The following FHIT variants were observed in gnomAD, a reference collection of about 807,000 sequenced individuals.
FHIT encodes the protein bis(5'-adenosyl)-triphosphatase.
In FHIT, 19 loss-of-function variants were observed where a neutral mutation model predicts 17.9. The observed-to-expected ratio is 1.06, with a 90% confidence interval of 0.74 to 1.56. The LOEUF (loss-of-function observed/expected upper bound fraction) is 1.56, where lower values mean the gene tolerates loss of function less well. Among genes scored for constraint, FHIT ranks in the 40% most tolerant of loss-of-function variants. FHIT has a pLI of 0.00. For missense variants in FHIT, 248 were observed against 189.2 expected (o/e 1.31, Z -1.82); for synonymous variants, 81 against 69.7 (o/e 1.16, Z -0.81).
chr3:59,780,686 G>C (rs1200099952), intron 8 of FHIT, among the ~76,000 whole-genome samples: 2 of 152,176 alleles, frequency 1.3e-5, no homozygotes, highest in African/African-American at 4.8e-5. Context: ...TGAAGGACCA[G>C]AGCTCTTTCT....
At chr3:59,768,686 T>C (rs765047912) in intron 8 of FHIT, among the ~76,000 whole-genome samples, 11 of 152,334 alleles carry the variant, frequency 7.2e-5, no homozygotes, top group Non-Finnish European at 1.3e-4. Flanking sequence ...GCTAGGCACA[T>C]AGGAGAGGCT....
At chr3:60,190,842 C>G (rs574924899) in intron 5 of FHIT, among the ~76,000 whole-genome samples, 2 of 152,116 alleles carry the variant, frequency 1.3e-5, no homozygotes, top group African/African-American at 4.8e-5. Context: ...ACTTGGGGAA[C>G]TGAGGCATGA....
intron 4 of FHIT, chr3:60,732,222 C>G: frequency 2.4e-6 from 2 of 833,376 alleles, no homozygotes; most frequent in Non-Finnish European, 4.1e-6. Flanking sequence ...GTTCCATGGC[C>G]TCCATGATAT....
At chr3:60,223,341 A>T (rs780222983) in intron 5 of FHIT, among the ~76,000 whole-genome samples, 22 of 152,230 alleles carry the variant, frequency 1.4e-4, no homozygotes, top group Non-Finnish European at 2.9e-4. Flanking sequence ...AGCAAAAGGC[A>T]GAAGTCGTGT....
intron 3 of FHIT, among the ~76,000 whole-genome samples, chr3:60,967,091 T>G (rs1709782333): frequency 6.6e-6 from 1 of 152,222 alleles, no homozygotes; most frequent in African/African-American, 2.4e-5. Flanking sequence ...AGTATCTTCT[T>G]ATAAAAATAC....
intron 5 of FHIT, among the ~76,000 whole-genome samples, chr3:60,412,508 TC>T (rs1337572803): frequency 4.6e-5 from 7 of 152,032 alleles, no homozygotes; most frequent in Admixed American, 2.0e-4. Context: ...TCCTAGTCTC[TC>T]CCAAGATAAC....
At chr3:60,585,297 T>G (rs144100064) in intron 4 of FHIT, among the ~76,000 whole-genome samples, 3 of 151,994 alleles carry the variant, frequency 2.0e-5, no homozygotes, top group African/African-American at 2.4e-5. Context: ...CAGAGATACG[T>G]AGATTCAAAT....
intron 5 of FHIT, among the ~76,000 whole-genome samples, chr3:60,028,204 A>G (rs571600491): frequency 6.6e-6 from 1 of 152,222 alleles, no homozygotes; most frequent in South Asian, 2.1e-4. Context: ...GCTATGTGTA[A>G]TTCTCTTCTA....
chr3:59,757,363 A>G (rs1195612520), intron 8 of FHIT, among the ~76,000 whole-genome samples: 1 of 152,218 alleles, frequency 6.6e-6, no homozygotes, highest in Admixed American at 6.5e-5. Flanking sequence ...TTTATCTGCT[A>G]GAAATGGTTT....
At chr3:60,498,615 T>A (rs570163766) in intron 5 of FHIT, among the ~76,000 whole-genome samples, 11 of 152,298 alleles carry the variant, frequency 7.2e-5, no homozygotes, top group African/African-American at 2.4e-4. Flanking sequence ...TCATGGTGTG[T>A]AGCTTCAATC....
chr3:61,243,201 G>A (rs1162081278), intron 1 of FHIT, among the ~76,000 whole-genome samples: 2 of 152,164 alleles, frequency 1.3e-5, no homozygotes, highest in Non-Finnish European at 2.9e-5. Context: ...GTTTCACTTT[G>A]TCTAGTTTCT....
At chr3:59,971,695 T>A (rs1196117841) in intron 7 of FHIT, among the ~76,000 whole-genome samples, 3 of 152,144 alleles carry the variant, frequency 2.0e-5, no homozygotes, top group African/African-American at 4.8e-5. Flanking sequence ...TGGTCAGCTC[T>A]GAGCTCAGGA....
intron 5 of FHIT, among the ~76,000 whole-genome samples, chr3:60,196,408 C>T (rs758595540): frequency 1.3e-5 from 2 of 152,170 alleles, no homozygotes; most frequent in Non-Finnish European, 2.9e-5. Flanking sequence ...CACCTTCTCT[C>T]ACTCTGACTC....
intron 4 of FHIT, among the ~76,000 whole-genome samples, chr3:60,627,370 A>G (rs2039317764): frequency 6.6e-6 from 1 of 152,128 alleles, no homozygotes; most frequent in Admixed American, 6.5e-5. Context: ...TTCAGGCTTT[A>G]TATTTGTAGA....
chr3:60,548,110 C>T (rs1238811658), intron 4 of FHIT, among the ~76,000 whole-genome samples: 5 of 149,162 alleles, frequency 3.4e-5, no homozygotes, highest in African/African-American at 1.2e-4. Flanking sequence ...GGATATAAAG[C>T]AGGCAGAAAA....
intron 5 of FHIT, among the ~76,000 whole-genome samples, chr3:60,375,756 C>T (rs190935719): frequency 4.6e-4 from 70 of 152,158 alleles, no homozygotes; most frequent in African/African-American, 1.6e-3. Context: ...TGGGTCAGTG[C>T]CTGCTCAGAT....
chr3:59,795,793 G>A (rs1203535297), intron 8 of FHIT, among the ~76,000 whole-genome samples: 1 of 152,288 alleles, frequency 6.6e-6, no homozygotes, highest in Non-Finnish European at 1.5e-5. Context: ...GAGGTGCCCC[G>A]CTGTGCAGCA....
chr3:61,028,560 C>G lies in FHIT; in HGVS notation c.-111+13487G>C, dbSNP rs568852997. ...GAAGAAGGATTCTAGAATCAGGCAG[C>G]CTGTGCTCAAACCCAGACTCTTTCA... is the stretch of plus-strand genomic sequence containing the variant. On this transcript the variant is annotated intron_variant, in intron 3 of 9. Coordinates refer to ENST00000492590, the MANE Select transcript of FHIT (RefSeq NM_002012.4). 3.9e-5 allele frequency among the ~76,000 whole-genome samples: 6 copies of G among 152,270 alleles called. No individual in the cohort carries two copies. The South Asian group carries it at 1.0e-3, about 26-fold the overall frequency.
intron 5 of FHIT, among the ~76,000 whole-genome samples, chr3:60,520,422 G>A (rs372235768): frequency 2.6e-4 from 39 of 152,022 alleles, no homozygotes; most frequent in Admixed American, 6.6e-4. Context: ...TCCTGTGTAC[G>A]GATTATATCA....
Sources: allele counts gnomAD v4.1 joint callset (sites outside exome capture counted in the v4.1 genomes callset), GRCh38; gene constraint gnomAD v4.1.1; transcripts MANE v1.5; gene names NCBI Gene and HGNC (gene_info 2026-07-23, HGNC 2026-07-21).